Variants in PCDHGB2 observed in about 807,000 individuals in gnomAD.
The protein encoded by PCDHGB2 is protocadherin gamma subfamily B, 2, also known as protocadherin gamma-B2.
PCDHGB2 carries 55 observed loss-of-function variants against 59.3 expected under a neutral mutation model. The ratio of observed to expected loss-of-function variants is 0.93; its 90% CI spans 0.75 to 1.16. PCDHGB2 has a LOEUF of 1.16. PCDHGB2 is among the 50% of genes most tolerant of loss of function. The pLI, the probability that PCDHGB2 is intolerant of heterozygous loss-of-function variation, is 0.00. For synonymous variants in PCDHGB2, 516 were observed against 512.0 expected, an observed-to-expected ratio of 1.01 and a Z score of -0.11; for missense variants, 1,228 against 1,198.5, an observed-to-expected ratio of 1.02 and a Z score of -0.36.
In PCDHGB2 at chr5:141,361,618, G is replaced by A; in HGVS notation, c.1483G>A (p.Asp495Asn). ...GQVSYSIVAS[D>N]LKPREILSYV... ...AGTTTCCTACTCCATCGTAGCGAGC[G>A]ACCTGAAGCCGCGGGAGATTTTATC... is the stretch of plus-strand genomic sequence containing the variant. Residue 495 changes from aspartate to asparagine, a missense_variant, in exon 1 of 4, where the codon GAC becomes AAC. This residue lies in a region of PCDHGB2 where 781 missense variants were observed against 721.6 expected (regional missense o/e 1.08). Transcript: ENST00000522605. 6.2e-7 allele frequency: 1 copy of A among 1,613,956 alleles called. No homozygotes were observed. Among genetic ancestry groups the A allele is most frequent in the Non-Finnish European group, 8.5e-7 (1 of 1,179,902 alleles).
intron 1 of PCDHGB2, chr5:141,478,778 C>A: frequency 6.7e-7 from 1 of 1,488,178 alleles, no homozygotes; most frequent in Non-Finnish European, 8.9e-7. Flanking sequence ...ATCTGTGGAC[C>A]TAATTCACAT....
chr5:141,404,934 C>G, intron 1 of PCDHGB2: 1 of 1,613,986 alleles, frequency 6.2e-7, no homozygotes. Context: ...GTCACGCTCA[C>G]AGTAGCCATA....
At chr5:141,433,995 C>G (rs995723859) in intron 1 of PCDHGB2, among the ~76,000 whole-genome samples, 1 of 152,028 alleles carries the variant, frequency 6.6e-6, no homozygotes, top group Non-Finnish European at 1.5e-5. Context: ...GTTTTATATT[C>G]TCTATATATG....
Position 141,393,710 on chromosome 5 carries a change from G to T in PCDHGB2, c.2421+31154G>T, listed in dbSNP as rs143738602. On this transcript the variant is annotated intron_variant, in intron 1 of 3. Transcript: ENST00000522605. Reference sequence around the variant, plus strand: ...TATTCCAGCTTAATGAAAATACTGGGGAAATATCAATAGCAAAAAGTCTAG... The same window carrying T: ...TATTCCAGCTTAATGAAAATACTGGTGAAATATCAATAGCAAAAAGTCTAG... 837 of 1,613,794 alleles carry T rather than the reference G, an allele frequency of 5.2e-4. 2 individuals carry two copies. In the African/African-American group the frequency reaches 1.0e-2, roughly 19 times the overall value.
At chr5:141,367,043 A>G (rs939220707) in intron 1 of PCDHGB2, 4 of 343,424 alleles carry the variant, frequency 1.2e-5, no homozygotes, top group African/African-American at 8.6e-5. Flanking sequence ...AGTTCTATTA[A>G]TAGAAAAGAT....
intron 1 of PCDHGB2, among the ~76,000 whole-genome samples, chr5:141,434,285 T>G (rs1358981946): frequency 6.6e-6 from 1 of 152,232 alleles, no homozygotes; most frequent in Non-Finnish European, 1.5e-5. Context: ...GTATTCTCTG[T>G]TTTTCCTGTA....
intron 1 of PCDHGB2, among the ~76,000 whole-genome samples, chr5:141,373,000 T>C (rs1310950733): frequency 6.6e-6 from 1 of 152,222 alleles, no homozygotes; most frequent in Non-Finnish European, 1.5e-5. Context: ...TGTTCTTTCA[T>C]AGAAAGCCTC....
chr5:141,481,208 A>G lies in PCDHGB2; in HGVS notation c.2422-13599A>G, dbSNP rs116577118. On this transcript the variant is annotated intron_variant, in intron 1 of 3. Coordinates refer to ENST00000522605, the MANE Select transcript of PCDHGB2 (RefSeq NM_018923.3). ...GCCAGGCCCAATTTTTTTAAAAAACATGGTAAGGTCTCCCAGCCTTAAAGT... is the reference window on the plus strand; with the variant it reads ...GCCAGGCCCAATTTTTTTAAAAAACGTGGTAAGGTCTCCCAGCCTTAAAGT... 3.5e-3 allele frequency among the ~76,000 whole-genome samples: 528 copies of G among 152,350 alleles called. 2 individuals carry two copies. Among genetic ancestry groups the G allele is most frequent in the African/African-American group, 0.012 (490 of 41,572 alleles).
At chr5:141,478,329 C>T (rs1295950117) in intron 1 of PCDHGB2, 1 of 1,613,982 alleles carries the variant, frequency 6.2e-7, no homozygotes, top group African/African-American at 1.3e-5. Context: ...TACCGAACAC[C>T]AGGGCCCTCC....
In PCDHGB2 at chr5:141,476,101, A is replaced by G; in HGVS notation, c.2422-18706A>G. The G allele has an allele frequency of 6.3e-7, 1 of 1,576,386 alleles. No individual in the cohort carries two copies. Among genetic ancestry groups the G allele is most frequent in the East Asian group, 2.2e-5 (1 of 44,540 alleles). On this transcript the variant is annotated intron_variant, in intron 1 of 3. Coordinates refer to ENST00000522605, the MANE Select transcript of PCDHGB2 (RefSeq NM_018923.3). This position sits in a 1 kb window ranked among gnomAD's most constrained non-coding sequence, Gnocchi z 7.6. ...GACGATCTGGACCCCGCTGAGAGGA[A>G]CTGCTTTTGAGTGAGATGGTCCCAG... is the stretch of plus-strand genomic sequence containing the variant.
At chr5:141,479,200 AAAGT>A (rs1430087636) in intron 1 of PCDHGB2, 5 of 152,466 alleles carry the variant, frequency 3.3e-5, no homozygotes, top group African/African-American at 1.2e-4. Flanking sequence ...AAAATACAGA[AAAGT>A]ATTTAAAAAA....
intron 1 of PCDHGB2, chr5:141,383,409 C>T (rs199780721): frequency 1.2e-6 from 2 of 1,614,010 alleles, no homozygotes; most frequent in Non-Finnish European, 1.7e-6. Flanking sequence ...TCCAGAGTTA[C>T]CAGCTCAGCC....
chr5:141,369,075 T>C (rs1766014399), intron 1 of PCDHGB2, among the ~76,000 whole-genome samples: 1 of 152,154 alleles, frequency 6.6e-6, no homozygotes, highest in African/African-American at 2.4e-5. Context: ...ATAATTTCTT[T>C]AGGAAGATTT....
intron 1 of PCDHGB2, chr5:141,374,852 G>A (rs1770895051): frequency 5.0e-6 from 8 of 1,613,798 alleles, no homozygotes; most frequent in Non-Finnish European, 4.2e-6. Flanking sequence ...AAACCTGCCA[G>A]TAGGCACACC....
intron 1 of PCDHGB2, chr5:141,411,213 CTATT>C (rs1479996814): frequency 1.3e-5 from 2 of 152,186 alleles, no homozygotes; most frequent in African/African-American, 2.4e-5. Context: ...AGTAACCTAT[CTATT>C]CAAATTTGCG....
intron 1 of PCDHGB2, chr5:141,414,233 T>C: frequency 1.2e-6 from 2 of 1,613,474 alleles, no homozygotes; most frequent in African/African-American, 2.7e-5. Context: ...GAGCTGACCA[T>C]CACGTCTCTA....
chr5:141,365,221 C>T (rs1175888601), intron 1 of PCDHGB2: 1 of 1,613,860 alleles, frequency 6.2e-7, no homozygotes, highest in East Asian at 2.2e-5. Flanking sequence ...TTGATTCCAA[C>T]CTGGGGGAAA....
chr5:141,441,623 C>T (rs530409184), intron 1 of PCDHGB2: 2 of 224,422 alleles, frequency 8.9e-6, no homozygotes, highest in Non-Finnish European at 1.8e-5. Flanking sequence ...TGGCCAGTGA[C>T]CTGGAGCCAC....
Position 141,361,408 on chromosome 5 carries a change from AC to A in PCDHGB2, c.1275del (p.Asp426ThrfsTer11), listed in dbSNP as rs1561523484. 6.2e-7 allele frequency: 1 copy of A among 1,614,054 alleles called. No individual in the cohort carries two copies. ...AGAATACAATCTCACCATCACAGCC[AC>A]CGACGGGGGCAAGCCGCCCCTCTCC... ...IPEYNLTITATDGGKPPLSSS... is the reference protein window; with the variant it reads ...IPEYNLTITAXDGGKPPLSSS... On this transcript the variant is annotated frameshift_variant, in exon 1 of 4. Transcript: ENST00000522605. LOFTEE classifies it high-confidence loss of function.
Sources: allele counts gnomAD v4.1 joint callset (sites outside exome capture counted in the v4.1 genomes callset), GRCh38; gene constraint gnomAD v4.1.1; regional missense constraint gnomAD v4.1.1; non-coding constraint Gnocchi (gnomAD v3.1); transcripts MANE v1.5; gene names NCBI Gene and HGNC (gene_info 2026-07-23, HGNC 2026-07-21).